The following ZFYVE16 variants were observed in gnomAD, a reference collection of about 807,000 sequenced individuals.
ZFYVE16 encodes zinc finger FYVE domain-containing protein 16.
In ZFYVE16, 89 loss-of-function variants were observed where a neutral mutation model predicts 138.1. That is an observed-to-expected ratio of 0.64 (90% confidence interval 0.54 to 0.77). The LOEUF (loss-of-function observed/expected upper bound fraction) is 0.77, where lower values mean the gene tolerates loss of function less well. ZFYVE16 is among the 30% of genes least tolerant of loss of function. The pLI is 0.00. For missense variants in ZFYVE16, 1,793 were observed against 1,786.7 expected (o/e 1.00, Z -0.06); for synonymous variants, 596 against 618.3 (o/e 0.96, Z 0.53).
At chr5:80,470,323 G>A (rs769212145) in intron 15 of ZFYVE16, among the ~76,000 whole-genome samples, 9 of 151,408 alleles carry the variant, frequency 5.9e-5, no homozygotes, top group African/African-American at 1.2e-4. Flanking sequence ...GGATGGTCTC[G>A]ATCTCCTGAC....
Position 80,440,382 on chromosome 5 carries a change from A to G in ZFYVE16, c.2419+350A>G, listed in dbSNP as rs556704328. On this transcript the variant is annotated intron_variant, in intron 5 of 18. Transcript: ENST00000505560. ...TAAACACTTACAGATACCTACCAAT[A>G]GTAGTACTCAATATTATGTATTAAT... 20 of 997,926 alleles carry G rather than the reference A, an allele frequency of 2.0e-5. No homozygotes were observed. The African/African-American group carries it at 3.3e-4, about 16-fold the overall frequency. 61.8% of individuals were successfully genotyped at this position (997,926 alleles called of 1,614,324 possible). A position where few individuals can be genotyped will look rare whatever the true frequency, so the allele number is the denominator to read the frequency against.
chr5:80,436,116 C>T (rs928054351), intron 3 of ZFYVE16, among the ~76,000 whole-genome samples: 1 of 152,164 alleles, frequency 6.6e-6, no homozygotes, highest in Non-Finnish European at 1.5e-5. Flanking sequence ...ATCAACAGCT[C>T]CAGATTCACA....
rs372204722 is a variant in ZFYVE16 at position 80,413,823 on chromosome 5, T to G, written c.-94+5670T>G. On this transcript the variant is annotated intron_variant, in intron 1 of 18. Transcript: ENST00000505560. ...TTTTTTAAAATGACATATTTAGATA[T>G]ATGGCGATATCCCCTCCCCATTCCC... 3.6e-4 allele frequency among the ~76,000 whole-genome samples: 55 copies of G among 152,340 alleles called. 1 individual carries two copies. In the South Asian group the frequency reaches 0.011, roughly 30 times the overall value.
intron 1 of ZFYVE16, among the ~76,000 whole-genome samples, chr5:80,414,824 T>G (rs1745974837): frequency 6.6e-6 from 1 of 152,098 alleles, no homozygotes; most frequent in Non-Finnish European, 1.5e-5. Flanking sequence ...CAGGCTGGGG[T>G]GGGAAGTTCA....
At chr5:80,467,503 T>C (rs1469286617) in intron 15 of ZFYVE16, among the ~76,000 whole-genome samples, 1 of 152,190 alleles carries the variant, frequency 6.6e-6, no homozygotes, top group Non-Finnish European at 1.5e-5. Flanking sequence ...GATATCTCAG[T>C]TCAATAATTA....
chr5:80,450,671 A>T, intron 10 of ZFYVE16, 85 bp downstream of exon 10: 1 of 1,317,538 alleles, frequency 7.6e-7, no homozygotes, highest in Non-Finnish European at 1.0e-6. Context: ...TGCTAGCTAT[A>T]CTAAAGATTT....
intron 1 of ZFYVE16, among the ~76,000 whole-genome samples, chr5:80,411,939 T>G (rs141867286): frequency 1.4e-4 from 22 of 152,110 alleles, no homozygotes; most frequent in Non-Finnish European, 1.5e-5. Flanking sequence ...AACTTCTCAT[T>G]ATTTTGCCAC....
At position 80,449,349 on chromosome 5, in the gene ZFYVE16, GT is replaced by G. The variant is rs547152005; in HGVS notation, c.3104-239del. 5.2e-3 allele frequency among the ~76,000 whole-genome samples: 787 copies of G among 152,124 alleles called. 1 individual carries two copies. Among genetic ancestry groups the G allele is most frequent in the Non-Finnish European group, 6.7e-3 (458 of 67,988 alleles). ...GGTGCTAAAATTATATACATTTGCT[GT>G]TTAATCAACAGTATAAATATACTAT... On this transcript the variant is annotated intron_variant, in intron 8 of 18. Coordinates refer to ENST00000505560, the MANE Select transcript of ZFYVE16 (RefSeq NM_001284236.3).
At chr5:80,450,964 A>G (rs1301954422) in intron 10 of ZFYVE16, among the ~76,000 whole-genome samples, 2 of 152,086 alleles carry the variant, frequency 1.3e-5, no homozygotes, top group Admixed American at 1.3e-4. Context: ...GGCACATGCC[A>G]TCATGCCCAG....
chr5:80,459,958 G>T (rs1752935618), intron 15 of ZFYVE16, among the ~76,000 whole-genome samples: 1 of 151,984 alleles, frequency 6.6e-6, no homozygotes, highest in Admixed American at 6.6e-5. Flanking sequence ...ATGAACTTCT[G>T]GGTTGTATCT....
intron 7 of ZFYVE16, 30 bp from the exon 8 acceptor site, chr5:80,447,996 T>C: frequency 6.6e-7 from 1 of 1,519,536 alleles, no homozygotes; most frequent in Non-Finnish European, 8.9e-7. Context: ...ATGAACTGAT[T>C]TGTTATTTTT....
rs773054553 is a variant in ZFYVE16, at chr5:80,455,724, C to T, written c.3640C>T (p.Arg1214Ter). The T allele has an allele frequency of 2.5e-6, 4 of 1,593,678 alleles. No individual in the cohort carries two copies. Among genetic ancestry groups the T allele is most frequent in the Admixed American group, 1.8e-5 (1 of 54,056 alleles). The change falls in exon 12 of 19, where the codon CGA becomes TGA. Residue 1214 changes from arginine to a stop codon, truncating the protein, a stop_gained. Coordinates refer to ENST00000505560, the MANE Select transcript of ZFYVE16 (RefSeq NM_001284236.3). LOFTEE classifies it high-confidence loss of function. ...YPAPLTSIRG[R>*]KPLFGEIGHT... is the part of the protein sequence containing the mutation. ...TGCTCCTCTAACAAGCATCAGAGGC[C>T]GAAAACCTCTTTTTGGAGAAATAGG...
intron 11 of ZFYVE16, chr5:80,455,077 A>T (rs1752383371): frequency 6.6e-6 from 1 of 152,242 alleles, no homozygotes; most frequent in Non-Finnish European, 1.5e-5. Context: ...ACCAATTATT[A>T]GTCACTAGGA....
chr5:80,451,054 C>T (rs992196345), intron 10 of ZFYVE16, among the ~76,000 whole-genome samples: 4 of 152,044 alleles, frequency 2.6e-5, no homozygotes, highest in Non-Finnish European at 2.9e-5. Flanking sequence ...TCAAGTGATC[C>T]GCCCGCCTCA....
intron 6 of ZFYVE16, among the ~76,000 whole-genome samples, chr5:80,443,626 A>G (rs990844387): frequency 3.9e-5 from 6 of 152,204 alleles, no homozygotes; most frequent in Non-Finnish European, 7.3e-5. Context: ...GGCCTCATAT[A>G]GTTGGTACTC....
chr5:80,413,674 G>C lies in ZFYVE16; in HGVS notation c.-94+5521G>C, dbSNP rs368908372. Among the ~76,000 whole-genome samples the C allele has an allele frequency of 2.6e-5, 4 of 152,114 alleles. No individual in the cohort carries two copies. In the South Asian group the frequency reaches 8.3e-4, roughly 31 times the overall value. On this transcript the variant is annotated intron_variant, in intron 1 of 18. Transcript: ENST00000505560. ...TAGCTAATAATATGATGGATGCATA[G>C]GAGAGAAGTTAGTTTATTACATAAA...
chr5:80,454,610 C>T (rs1752325238), intron 11 of ZFYVE16: 1 of 152,022 alleles, frequency 6.6e-6, no homozygotes. Context: ...GGGTTCACGC[C>T]ATTCTCCTGC....
Position 80,458,824 on chromosome 5 carries a change from G to A in ZFYVE16, c.3944-590G>A, listed in dbSNP as rs1176849324. ...TCCATAAAAACTGTTCTGATTTGTG[G>A]TGTCACCAGTAGTGAATGTTTGATT... On this transcript the variant is annotated intron_variant, in intron 14 of 18. Coordinates refer to ENST00000505560, the MANE Select transcript of ZFYVE16 (RefSeq NM_001284236.3). 5.9e-5 allele frequency among the ~76,000 whole-genome samples: 9 copies of A among 152,290 alleles called. No homozygotes were observed. In the East Asian group the frequency reaches 1.5e-3, roughly 26 times the overall value.
chr5:80,420,865 C>G (rs544512881), intron 1 of ZFYVE16, among the ~76,000 whole-genome samples: 5 of 152,198 alleles, frequency 3.3e-5, no homozygotes, highest in Non-Finnish European at 7.3e-5. Flanking sequence ...CCTAAGGAAT[C>G]GCCACGCTGT....
Sources: gnomAD v4.1 joint callset for allele counts (sites outside exome capture counted in the v4.1 genomes callset) on GRCh38, gnomAD v4.1.1 for gene constraint, MANE v1.5 for transcripts, NCBI Gene and HGNC (gene_info 2026-07-23, HGNC 2026-07-21) for gene names.